FSHR: variants seen among roughly 807,000 people sequenced by gnomAD.
FSHR encodes follicle-stimulating hormone receptor.
A neutral mutation model predicts 52.1 loss-of-function variants in FSHR; 46 were observed. That is an observed-to-expected ratio of 0.88 (90% CI 0.70 to 1.13). The LOEUF (loss-of-function observed/expected upper bound fraction) is 1.13. Among genes scored for constraint, FSHR ranks in the 50% most tolerant of loss-of-function variants. The pLI is 0.00. For synonymous variants in FSHR, 399 were observed against 309.6 expected (o/e 1.29, Z -3.03); for missense variants, 964 against 834.6 (o/e 1.16, Z -1.91).
chr2:49,088,387 G>C (rs1312279075), intron 1 of FSHR, among the ~76,000 whole-genome samples: 1 of 152,164 alleles, frequency 6.6e-6, no homozygotes, highest in Non-Finnish European at 1.5e-5. Flanking sequence ...CCCCAAGAAG[G>C]GGAAAGAAGA....
intron 1 of FSHR, among the ~76,000 whole-genome samples, chr2:49,087,210 T>G (rs1670434067): frequency 6.6e-6 from 1 of 151,870 alleles, no homozygotes; most frequent in Admixed American, 6.6e-5. Flanking sequence ...TCCTCTTCTT[T>G]GTTCAATGGA....
intron 1 of FSHR, among the ~76,000 whole-genome samples, chr2:49,071,722 T>A (rs1669739212): frequency 6.6e-6 from 1 of 152,182 alleles, no homozygotes; most frequent in Non-Finnish European, 1.5e-5. Flanking sequence ...GGCATCAGCA[T>A]CTGCTTCTGG....
At chr2:49,126,371 T>C (rs1452558936) in intron 1 of FSHR, among the ~76,000 whole-genome samples, 2 of 152,096 alleles carry the variant, frequency 1.3e-5, no homozygotes, top group African/African-American at 4.8e-5. Flanking sequence ...CTCACTTTGA[T>C]AACAAACACC....
At chr2:49,146,433 G>A (rs1672872678) in intron 1 of FSHR, among the ~76,000 whole-genome samples, 1 of 151,996 alleles carries the variant, frequency 6.6e-6, no homozygotes, top group Admixed American at 6.6e-5. Flanking sequence ...GTTTAGTTAT[G>A]AAATCATTGC....
chr2:49,092,831 A>G (rs1331013687), intron 1 of FSHR, among the ~76,000 whole-genome samples: 3 of 151,700 alleles, frequency 2.0e-5, no homozygotes, highest in Non-Finnish European at 4.4e-5. Context: ...ATGCGCAGCT[A>G]TTTTTTCTAT....
intron 2 of FSHR, among the ~76,000 whole-genome samples, chr2:49,063,798 T>G (rs1669403559): frequency 6.6e-6 from 1 of 152,130 alleles, no homozygotes; most frequent in South Asian, 2.1e-4. Flanking sequence ...TTGCTGTGTA[T>G]TTTCAAATAT....
intron 2 of FSHR, among the ~76,000 whole-genome samples, chr2:49,040,392 TATC>T (rs1286858364): frequency 6.6e-6 from 1 of 152,182 alleles, no homozygotes; most frequent in Non-Finnish European, 1.5e-5. Flanking sequence ...CTCCAGAACT[TATC>T]ATCTTAATTT....
At chr2:49,071,319 A>G (rs541482560) in intron 1 of FSHR, among the ~76,000 whole-genome samples, 1 of 152,290 alleles carries the variant, frequency 6.6e-6, no homozygotes, top group Admixed American at 6.5e-5. Context: ...ATGCAAGTGG[A>G]GGGAAAAATA....
At chr2:49,049,668 C>T (rs1668782817) in intron 2 of FSHR, among the ~76,000 whole-genome samples, 1 of 152,020 alleles carries the variant, frequency 6.6e-6, no homozygotes, top group Non-Finnish European at 1.5e-5. Flanking sequence ...TCGTTGTAAT[C>T]CCTTTCAGCC....
intron 4 of FSHR, among the ~76,000 whole-genome samples, chr2:48,996,061 C>G (rs1676011797): frequency 6.6e-6 from 1 of 152,076 alleles, no homozygotes; most frequent in Non-Finnish European, 1.5e-5. Flanking sequence ...AGCCAAAGCG[C>G]ATTTCCTAGT....
chr2:49,077,893 C>T (rs186923017), intron 1 of FSHR, among the ~76,000 whole-genome samples: 22 of 152,144 alleles, frequency 1.4e-4, no homozygotes, highest in Non-Finnish European at 2.2e-4. Context: ...TCAGTCTAAA[C>T]GTTATTGTTC....
intron 8 of FSHR, among the ~76,000 whole-genome samples, chr2:48,977,847 G>A (rs951268619): frequency 2.6e-5 from 4 of 152,130 alleles, no homozygotes; most frequent in African/African-American, 9.7e-5. Flanking sequence ...CTGCCCTTGT[G>A]CCTGGAACTG....
At position 49,016,100 on chromosome 2, in the gene FSHR, A is replaced by G. The variant is rs148504112; in HGVS notation, c.374+1389T>C. On this transcript the variant is annotated intron_variant, in intron 4 of 9. Coordinates refer to ENST00000406846, the MANE Select transcript of FSHR (RefSeq NM_000145.4). ...AGAGAGCTAAGGCACATGATGGCCC[A>G]GTGTTTCTTATTATACCTGTTAAGT... 1.1e-4 allele frequency among the ~76,000 whole-genome samples: 16 copies of G among 152,332 alleles called. No individual in the cohort carries two copies. The East Asian group carries it at 3.1e-3, about 29-fold the overall frequency.
chr2:49,089,777 C>G (rs1440216949), intron 1 of FSHR, among the ~76,000 whole-genome samples: 2 of 152,074 alleles, frequency 1.3e-5, no homozygotes, highest in Non-Finnish European at 2.9e-5. Flanking sequence ...AATAAATATT[C>G]CTGTTAAAAG....
Position 49,135,873 on chromosome 2 carries a change from G to A in FSHR, c.152+18393C>T, listed in dbSNP as rs116314474. ...ATGTTTACTATTTATTAAGTGAAAT[G>A]GATCATCATAAAGGTCTTTATCCTT... On this transcript the variant is annotated intron_variant, in intron 1 of 9. Transcript: ENST00000406846. Among the ~76,000 whole-genome samples, 1,031 of 152,082 alleles carry A rather than the reference G, an allele frequency of 6.8e-3. 7 individuals carry two copies. Among genetic ancestry groups the A allele is most frequent in the Non-Finnish European group, 9.8e-3 (666 of 67,980 alleles).
chr2:48,988,633 C>T (rs1347846309), intron 6 of FSHR, among the ~76,000 whole-genome samples: 1 of 152,230 alleles, frequency 6.6e-6, no homozygotes, highest in African/African-American at 2.4e-5. Context: ...GGGCCTCCTT[C>T]CTGATCTTTT....
chr2:49,130,329 G>A (rs1043746544), intron 1 of FSHR, among the ~76,000 whole-genome samples: 2 of 152,110 alleles, frequency 1.3e-5, no homozygotes, highest in African/African-American at 4.8e-5. Flanking sequence ...CTCCCATTTT[G>A]CTATCTGTCC....
intron 8 of FSHR, among the ~76,000 whole-genome samples, chr2:48,982,658 A>G (rs907053531): frequency 6.6e-6 from 1 of 152,232 alleles, no homozygotes; most frequent in Non-Finnish European, 1.5e-5. Flanking sequence ...AAGAAAATGC[A>G]TCTTAACTTC....
intron 1 of FSHR, among the ~76,000 whole-genome samples, chr2:49,127,793 CT>C: frequency 1.8e-5 from 1 of 54,684 alleles, no homozygotes; most frequent in African/African-American, 7.7e-5. Context: ...TCTTCTTCTT[CT>C]TCTTCTTCTT....
Sources: allele counts gnomAD v4.1 joint callset (sites outside exome capture counted in the v4.1 genomes callset), GRCh38; gene constraint gnomAD v4.1.1; transcripts MANE v1.5; gene names NCBI Gene and HGNC (gene_info 2026-07-23, HGNC 2026-07-21).